LRP5: variants seen among roughly 807,000 people sequenced by gnomAD.
The protein encoded by LRP5 is LDL receptor related protein 5.
A neutral mutation model predicts 154.1 loss-of-function variants in LRP5; 62 were observed. The ratio of observed to expected loss-of-function variants is 0.40; its 90% CI spans 0.33 to 0.50. The LOEUF (loss-of-function observed/expected upper bound fraction) is 0.50, where lower values mean the gene tolerates loss of function less well. Among genes scored for constraint, LRP5 ranks in the 20% least tolerant of loss-of-function variants. The pLI, the probability that LRP5 is intolerant of heterozygous loss-of-function variation, is 0.55. For missense variants in LRP5, 1,915 were observed against 2,336.7 expected (o/e 0.82, Z 3.72); for synonymous variants, 966 against 1,011.5 (o/e 0.96, Z 0.85).
chr11:68,425,092 C>T lies in LRP5; in HGVS notation c.3237-10C>T. ...CCCACACCCGTCCTTCACCCGCCAC[C>T]CTCCCGCAGGTACCTGTACTTCACC... On this transcript the variant is annotated splice_polypyrimidine_tract_variant and intron_variant, in intron 14 of 22. Coordinates refer to ENST00000294304, the MANE Select transcript of LRP5 (RefSeq NM_002335.4). 6.2e-7 allele frequency: 1 copy of T among 1,613,210 alleles called. No homozygotes were observed. Among genetic ancestry groups the T allele is most frequent in the Non-Finnish European group, 8.5e-7 (1 of 1,179,798 alleles).
chr11:68,307,199 G>T, the LRP5 span, among the ~76,000 whole-genome samples: 64 of 152,010 alleles, frequency 4.2e-4, no homozygotes, highest in East Asian at 0.012. Context: ...AAAAGGTAAG[G>T]TAAGGCTTAT....
At chr11:68,437,690 G>A (rs1176990874) in intron 19 of LRP5, among the ~76,000 whole-genome samples, 1 of 152,200 alleles carries the variant, frequency 6.6e-6, no homozygotes, top group Non-Finnish European at 1.5e-5. Flanking sequence ...GGAGAAGGGG[G>A]CTTCCTCAAG....
At chr11:68,430,721 A>G (rs2098671419) in intron 17 of LRP5, among the ~76,000 whole-genome samples, 1 of 152,030 alleles carries the variant, frequency 6.6e-6, no homozygotes, top group Non-Finnish European at 1.5e-5. Flanking sequence ...TTCTCCTAGT[A>G]GTTCTATCTT....
intron 1 of LRP5, among the ~76,000 whole-genome samples, chr11:68,342,582 C>T (rs918466491): frequency 6.6e-6 from 1 of 152,166 alleles, no homozygotes; most frequent in Non-Finnish European, 1.5e-5. Flanking sequence ...AGTGATGTGG[C>T]TTCCTCTTAA....
At chr11:68,318,494 A>T (rs1295563749) in intron 1 of LRP5, among the ~76,000 whole-genome samples, 1 of 151,776 alleles carries the variant, frequency 6.6e-6, no homozygotes, top group East Asian at 1.9e-4. Context: ...GTGCACCACC[A>T]CGCCCAGCTG....
In LRP5 at chr11:68,426,142, C is replaced by G. The variant is rs1287001576; in HGVS notation, c.3592C>G (p.Leu1198Val). 2 of 1,612,866 alleles carry G rather than the reference C, an allele frequency of 1.2e-6. No homozygotes were observed. The highest frequency in any genetic ancestry group is 2.2e-5 in the East Asian group (1 of 44,898). ...TCGCATCCAGGGCCGTGTCGCCCAC[C>G]TCACTGGCATCCATGCAGTGGAGGA... is the stretch of plus-strand genomic sequence containing the variant. ...RTRIQGRVAH[L>V]TGIHAVEEVS... The change falls in exon 16 of 23, where the codon CTC (leucine) becomes GTC (valine). Residue 1198 changes from leucine (L) to valine (V), a missense_variant. Transcript: ENST00000294304.
intron 3 of LRP5, among the ~76,000 whole-genome samples, chr11:68,359,735 A>G (rs191688762): frequency 6.7e-6 from 1 of 149,432 alleles, no homozygotes; most frequent in East Asian, 1.9e-4. Flanking sequence ...GCTGGAGTGC[A>G]TTGGCACAAT....
chr11:68,313,520 G>A (rs1040622761), intron 1 of LRP5, among the ~76,000 whole-genome samples: 2 of 152,214 alleles, frequency 1.3e-5, no homozygotes, highest in African/African-American at 4.8e-5. Flanking sequence ...GGGAGAGGTA[G>A]GGCGGGGGAA....
chr11:68,309,127 G>A (rs2098586022), upstream of LRP5, among the ~76,000 whole-genome samples: 1 of 151,922 alleles, frequency 6.6e-6, no homozygotes, highest in Non-Finnish European at 1.5e-5. Flanking sequence ...TAGAGATGGA[G>A]TTTCACCATG....
intron 4 of LRP5, 27 bp from the exon 5 acceptor site, chr11:68,365,544 T>A (rs2098630500): frequency 1.2e-6 from 2 of 1,613,362 alleles, no homozygotes; most frequent in Admixed American, 3.3e-5. Flanking sequence ...TCTGGAACCT[T>A]CTCTCACTCT....
Position 68,386,760 on chromosome 11 carries a change from C to A in LRP5, c.1412+48C>A, listed in dbSNP as rs73513071. On this transcript the variant is annotated intron_variant, in intron 6 of 22. Transcript: ENST00000294304. This position sits in a 1 kb window ranked among gnomAD's most constrained non-coding sequence, Gnocchi z 7.9. ...CCTGGAGCCAGGGCCAGGCCAAGCA[C>A]AGGCGAGAGGGAGATTGACCTGGAC... 9.1e-4 allele frequency: 1,449 copies of A among 1,586,654 alleles called. 16 individuals are homozygous for A. In the African/African-American group the frequency reaches 0.018, roughly 20 times the overall value.
chr11:68,389,298 ACATTGACATTTACTG>A, intron 6 of LRP5, among the ~76,000 whole-genome samples: 1 of 151,886 alleles, frequency 6.6e-6, no homozygotes, highest in African/African-American at 2.4e-5. Flanking sequence ...ACATTTACCG[ACATTGACATTTACTG>A]ACACTGACAT....
intron 16 of LRP5, among the ~76,000 whole-genome samples, 180 bp from the exon 17 acceptor site, chr11:68,429,395 G>A (rs1331020102): frequency 1.3e-5 from 2 of 152,176 alleles, no homozygotes; most frequent in East Asian, 1.9e-4. Flanking sequence ...GTCAATTTCC[G>A]TGTCAGTAGG....
chr11:68,425,303 CG>C lies in LRP5; in HGVS notation c.3427+15del, dbSNP rs2098668113. 6.3e-7 allele frequency: 1 copy of C among 1,599,714 alleles called. No homozygotes were observed. Among genetic ancestry groups the C allele is most frequent in the Non-Finnish European group, 8.5e-7 (1 of 1,178,068 alleles). ...GCTGTGACCTGTCAGGTACGCGCCC[CG>C]GGGCCTGCCCTAACCGCAGACACCC... On this transcript the variant is annotated intron_variant, in intron 15 of 22. Transcript: ENST00000294304.
At chr11:68,326,709 G>A (rs1024279086) in intron 1 of LRP5, among the ~76,000 whole-genome samples, 2 of 152,242 alleles carry the variant, frequency 1.3e-5, no homozygotes, top group Non-Finnish European at 2.9e-5. Flanking sequence ...CAGACCCTGC[G>A]AAGCCTTGAG....
chr11:68,320,111 T>C (rs898010133), intron 1 of LRP5, among the ~76,000 whole-genome samples: 1 of 152,174 alleles, frequency 6.6e-6, no homozygotes, highest in Non-Finnish European at 1.5e-5. Flanking sequence ...CAGTAAGCCA[T>C]GATCACAGCA....
chr11:68,438,981 T>C (rs1377473785), intron 20 of LRP5, among the ~76,000 whole-genome samples: 1 of 152,170 alleles, frequency 6.6e-6, no homozygotes, highest in East Asian at 1.9e-4. Flanking sequence ...CAAATCCTCA[T>C]GTACCCTAGA....
chr11:68,413,630 G>A lies in LRP5; in HGVS notation c.2504-59G>A, dbSNP rs966794377. On this transcript the variant is annotated intron_variant, in intron 11 of 22. Coordinates refer to ENST00000294304, the MANE Select transcript of LRP5 (RefSeq NM_002335.4). This position sits in a 1 kb window ranked among gnomAD's most constrained non-coding sequence, Gnocchi z 5.1. ...ACCCTGGCTCACCCCGCAGGGCGCC[G>A]TGTGCTCTGTGGCCTGGCTGTGCCT... 22 of 1,499,908 alleles carry A rather than the reference G, an allele frequency of 1.5e-5. No individual in the cohort carries two copies. The highest frequency in any genetic ancestry group is 1.0e-4 in the Admixed American group (6 of 59,854). The allele number at this position is 1,499,908 out of a possible 1,614,324, so 92.9% of individuals were successfully genotyped here.
intron 5 of LRP5, among the ~76,000 whole-genome samples, chr11:68,367,767 A>T (rs1315144498): frequency 2.0e-5 from 3 of 152,180 alleles, no homozygotes; most frequent in African/African-American, 4.8e-5. Context: ...GCAAAGGTGT[A>T]AAACAGGCAG....
Sources: gnomAD v4.1 joint callset for allele counts (sites outside exome capture counted in the v4.1 genomes callset) on GRCh38, gnomAD v4.1.1 for gene constraint, Gnocchi (gnomAD v3.1) non-coding constraint, MANE v1.5 for transcripts, NCBI Gene and HGNC (gene_info 2026-07-23, HGNC 2026-07-21) for gene names.